Variants in SRCIN1 observed in about 807,000 individuals in gnomAD.
SRCIN1 encodes the protein SRC kinase signaling inhibitor 1.
In SRCIN1, 50 loss-of-function variants were observed where a neutral mutation model predicts 116.2. The ratio of observed to expected loss-of-function variants is 0.43; its 90% CI spans 0.34 to 0.54. The LOEUF is 0.54. Ranked by LOEUF, SRCIN1 falls within the 20% of genes least tolerant of loss-of-function variation. SRCIN1 has a pLI of 0.02. For synonymous variants in SRCIN1, 736 were observed against 750.0 expected (o/e 0.98, Z 0.30); for missense variants, 1,446 against 1,672.0 (o/e 0.86, Z 2.36).
Position 38,544,351 on chromosome 17 carries a change from A to C in SRCIN1, c.3271-382T>G, listed in dbSNP as rs1450962312. On this transcript the variant is annotated intron_variant, in intron 17 of 18. Transcript: ENST00000617146. This position sits in a 1 kb window ranked among gnomAD's most constrained non-coding sequence, Gnocchi z 4.5. ...TCTGGACCTGGGTGCACATGCCAGC[A>C]AGGGGCTCTCTATAATGGCACACAG... is the stretch of plus-strand genomic sequence containing the variant. Among the ~76,000 whole-genome samples, 1 of 152,056 alleles carries C rather than the reference A, an allele frequency of 6.6e-6. No homozygotes were observed. The highest frequency in any genetic ancestry group is 1.5e-5 in the Non-Finnish European group (1 of 67,984).
At position 38,563,863 on chromosome 17, in the gene SRCIN1, G is replaced by A; in HGVS notation, c.541+255C>T. ...GTTAGAGAAGGGAGATGGGAGAGAA[G>A]GGAGGGATGAAAGAAAGGGACAGAA... On this transcript the variant is annotated intron_variant, in intron 4 of 18. Coordinates refer to ENST00000617146, the MANE Select transcript of SRCIN1 (RefSeq NM_025248.3). This position sits in a 1 kb window ranked among gnomAD's most constrained non-coding sequence, Gnocchi z 5.8. 3.3e-6 allele frequency: 2 copies of A among 611,502 alleles called. No individual in the cohort carries two copies. The highest frequency in any genetic ancestry group is 3.9e-5 in the South Asian group (2 of 51,086). The allele number at this position is 611,502 out of a possible 1,614,324, so 37.9% of individuals were successfully genotyped here. A position where few individuals can be genotyped will look rare whatever the true frequency, so the allele number is the denominator to read the frequency against.
chr17:38,605,800 G>C lies in SRCIN1; in HGVS notation c.-95C>G, dbSNP rs1909327660. 1 of 462,692 alleles carries C rather than the reference G, an allele frequency of 2.2e-6. No homozygotes were observed. The highest frequency in any genetic ancestry group is 2.2e-5 in the African/African-American group (1 of 45,908). The allele number at this position is 462,692 out of a possible 1,614,324, so 28.7% of individuals were successfully genotyped here. On this transcript the variant is annotated 5_prime_UTR_variant, in exon 1 of 19. Coordinates refer to ENST00000617146, the MANE Select transcript of SRCIN1 (RefSeq NM_025248.3). ...GGCTCCTCGCTCGGCCCCAGCCCCG[G>C]GGCGCGGTGCCAGGCGGGCGGGCCG...
At chr17:38,556,139 G>A (rs1905771862) in intron 11 of SRCIN1, among the ~76,000 whole-genome samples, 1 of 152,178 alleles carries the variant, frequency 6.6e-6, no homozygotes, top group Non-Finnish European at 1.5e-5. Context: ...GGTCAAGAGG[G>A]GAGAGTCAAA....
Position 38,562,149 on chromosome 17 carries a change from A to G in SRCIN1, c.1014T>C (p.Pro338=). The change falls in exon 7 of 19, where the codon CCT becomes CCC. Residue 338 remains proline, a synonymous_variant. Coordinates refer to ENST00000617146, the MANE Select transcript of SRCIN1 (RefSeq NM_025248.3). This position sits in a 1 kb window ranked among gnomAD's most constrained non-coding sequence, Gnocchi z 4.2. The part of the protein sequence containing the change: ...SRLSYAGGRP[P]SYAGSPVHHA... ...GGTGCACCGGGCTGCCGGCGTACGA[A>G]GGCGGGCGCCCCCCGGCGTACGATA... The G allele has an allele frequency of 7.3e-7, 1 of 1,366,124 alleles. No individual in the cohort carries two copies. Among genetic ancestry groups the G allele is most frequent in the Non-Finnish European group, 9.4e-7 (1 of 1,067,602 alleles). 84.6% of individuals were successfully genotyped at this position (1,366,124 alleles called of 1,614,324 possible).
At chr17:38,539,422 G>T (rs1437515276) in intron 18 of SRCIN1, among the ~76,000 whole-genome samples, 3 of 152,168 alleles carry the variant, frequency 2.0e-5, no homozygotes, top group Non-Finnish European at 4.4e-5. Context: ...TCTGTACCCT[G>T]AGAGGCTGAT....
chr17:38,563,187 C>A lies in SRCIN1; in HGVS notation c.740+136G>T. The A allele has an allele frequency of 1.0e-6, 1 of 958,982 alleles. No homozygotes were observed. 59.4% of individuals were successfully genotyped at this position (958,982 alleles called of 1,614,324 possible). On this transcript the variant is annotated intron_variant, in intron 5 of 18. Coordinates refer to ENST00000617146, the MANE Select transcript of SRCIN1 (RefSeq NM_025248.3). This position sits in a 1 kb window ranked among gnomAD's most constrained non-coding sequence, Gnocchi z 5.8. ...GAGATGGCCGAGGAAGGGGGCGGGG[C>A]GGTAGGGCTCTGGGAGGGGAGGGGA...
In SRCIN1 at chr17:38,559,630, G is replaced by C. The variant is rs1906076551; in HGVS notation, c.1980C>G (p.Ser660Arg). 1 of 1,603,242 alleles carries C rather than the reference G, an allele frequency of 6.2e-7. No homozygotes were observed. Among genetic ancestry groups the C allele is most frequent in the African/African-American group, 1.3e-5 (1 of 74,956 alleles). The part of the protein sequence containing the change: ...MQLHLRGLQN[S>R]ASDLRGQLQQ... The stretch of plus-strand genomic sequence containing the variant: ...GGAGCTGGCCGCGCAAGTCACTGGC[G>C]CTGTTCTGCAGGCCTCGCAGGTGAA... Residue 660 changes from serine (S) to arginine (R), a missense_variant, in exon 10 of 19, where the codon AGC (serine) becomes AGG (arginine). By Grantham distance (110) the Ser-to-Arg change is moderately radical. Around this residue, in one of 5 missense-constraint regions of SRCIN1, gnomAD observed 398 missense variants for 385.6 expected, o/e 1.03. Transcript: ENST00000617146.
At chr17:38,564,366 C>T (rs1597907474) in intron 3 of SRCIN1, 53 bp from the exon 4 acceptor site, 4 of 1,437,588 alleles carry the variant, frequency 2.8e-6, no homozygotes, top group East Asian at 5.0e-5. Flanking sequence ...CCCCCCTCCC[C>T]TTTGCTTGTC....
intron 17 of SRCIN1, among the ~76,000 whole-genome samples, chr17:38,545,746 G>A (rs1473801169): frequency 2.6e-5 from 4 of 152,192 alleles, no homozygotes; most frequent in East Asian, 1.9e-4. Context: ...TCTGGGAGCC[G>A]GGCTCAGGGT....
At position 38,549,185 on chromosome 17, in the gene SRCIN1, G is replaced by T; in HGVS notation, c.2988C>A (p.Arg996=). ...GSDELTVPRY[R]TEKPSKSPPP... ...GGGGCGACTTGGAGGGCTTCTCTGT[G>T]CGGTATCGGGGCACGGTCAACTCAT... Residue 996 remains arginine, a synonymous_variant, in exon 16 of 19, where the codon CGC becomes CGA. Transcript: ENST00000617146. The T allele has an allele frequency of 6.4e-7, 1 of 1,562,596 alleles. No homozygotes were observed.
At chr17:38,536,198 C>T (rs1026228739) in intron 18 of SRCIN1, among the ~76,000 whole-genome samples, 2 of 152,226 alleles carry the variant, frequency 1.3e-5, no homozygotes, top group Non-Finnish European at 2.9e-5. Context: ...TCTTCCCTCC[C>T]GGGAGACTCT....
Position 38,552,456 on chromosome 17 carries a change from T to C in SRCIN1, c.2471A>G (p.Gln824Arg). The C allele has an allele frequency of 3.1e-6, 5 of 1,600,398 alleles. No homozygotes were observed. The highest frequency in any genetic ancestry group is 4.3e-6 in the Non-Finnish European group (5 of 1,174,344). The change falls in exon 13 of 19, where the codon CAG (glutamine) becomes CGG (arginine). Residue 824 changes from glutamine to arginine, a missense_variant. Gln to Arg is a conservative substitution (Grantham distance 43). This residue lies in a region of SRCIN1 where 531 missense variants were observed against 633.9 expected (regional missense o/e 0.84). Transcript: ENST00000617146. This position sits in a 1 kb window ranked among gnomAD's most constrained non-coding sequence, Gnocchi z 5.3. ...RCRGVTDTLA[Q>R]IRRQVDEGVW... ...TCAGGGACAGAATGACCTTCGGATC[T>C]GGGCCAGCGTGTCCGTGACCCCGCG...
chr17:38,563,258 G>T lies in SRCIN1; in HGVS notation c.740+65C>A. 1.3e-6 allele frequency: 2 copies of T among 1,535,836 alleles called. No individual in the cohort carries two copies. The highest frequency in any genetic ancestry group is 4.9e-5 in the East Asian group (2 of 40,872). On this transcript the variant is annotated intron_variant, in intron 5 of 18. Transcript: ENST00000617146. This position sits in a 1 kb window ranked among gnomAD's most constrained non-coding sequence, Gnocchi z 5.8. ...AAGGAGCTGGGGAAGGGCCGGCGGG[G>T]TCCAGCACCCTGCAGAGGAGGAGCG...
At chr17:38,566,474 A>C (rs1369543408) in intron 3 of SRCIN1, among the ~76,000 whole-genome samples, 3 of 152,200 alleles carry the variant, frequency 2.0e-5, no homozygotes, top group African/African-American at 4.8e-5. Context: ...GCAGAAGAAC[A>C]AAACAGTGAT....
intron 1 of SRCIN1, among the ~76,000 whole-genome samples, chr17:38,597,254 G>A (rs1908775925): frequency 1.3e-5 from 2 of 152,222 alleles, no homozygotes; most frequent in Non-Finnish European, 2.9e-5. Context: ...TGAGGCAGTG[G>A]GAGGCACAAA....
chr17:38,559,439 G>T (rs1288620882), intron 10 of SRCIN1, 146 bp downstream of exon 10: 6 of 803,750 alleles, frequency 7.5e-6, no homozygotes, highest in Middle Eastern at 3.7e-4. Context: ...GAAAGGGTTC[G>T]GAGAGAGGCC....
Position 38,562,207 on chromosome 17 carries a change from C to G in SRCIN1, c.956G>C (p.Gly319Ala), listed in dbSNP as rs1231453235. The G allele has an allele frequency of 7.0e-7, 1 of 1,426,540 alleles. No homozygotes were observed. The highest frequency in any genetic ancestry group is 1.5e-5 in the South Asian group (1 of 68,422). The allele number at this position is 1,426,540 out of a possible 1,614,324, so 88.4% of individuals were successfully genotyped here. The stretch of plus-strand genomic sequence containing the variant: ...ACGCGACGGCGAACCGGACTGCAGC[C>G]CGGACGGCAGCCCCGACGGCAGCCC... ...PPGLPSGLPS[G>A]LQSGSPSRSR... Residue 319 changes from glycine (G) to alanine (A), a missense_variant, in exon 7 of 19, where the codon GGG (glycine) becomes GCG (alanine). Coordinates refer to ENST00000617146, the MANE Select transcript of SRCIN1 (RefSeq NM_025248.3). The surrounding 1 kb of genome is among the most constrained non-coding windows in gnomAD (Gnocchi z 4.2).
intron 10 of SRCIN1, 143 bp downstream of exon 10, chr17:38,559,442 G>T: frequency 1.2e-6 from 1 of 824,156 alleles, no homozygotes; most frequent in Non-Finnish European, 1.8e-6. Flanking sequence ...AGGGTTCGGA[G>T]AGAGGCCAGT....
At chr17:38,583,548 G>GTTTTTT (rs10691272) in intron 1 of SRCIN1, among the ~76,000 whole-genome samples, 65 of 104,248 alleles carry the variant, frequency 6.2e-4, no homozygotes, top group African/African-American at 2.1e-3. Context: ...TTCATTTTCT[G>GTTTTTT]TTTTTTTTTT....
Sources: gnomAD v4.1 joint callset for allele counts (sites outside exome capture counted in the v4.1 genomes callset) on GRCh38, gnomAD v4.1.1 for gene constraint, gnomAD v4.1.1 regional missense constraint, Gnocchi (gnomAD v3.1) non-coding constraint, MANE v1.5 for transcripts, NCBI Gene and HGNC (gene_info 2026-07-23, HGNC 2026-07-21) for gene names.